The following PRMT8 variants were observed in gnomAD, a reference collection of about 807,000 sequenced individuals.
The protein encoded by PRMT8 is protein arginine methyltransferase 8.
A neutral mutation model predicts 47.1 loss-of-function variants in PRMT8; 7 were observed. The observed-to-expected ratio is 0.15, with a 90% CI of 0.08 to 0.28. PRMT8 has a LOEUF of 0.28. Among genes scored for constraint, PRMT8 ranks in the 10% least tolerant of loss-of-function variants. The probability of loss-of-function intolerance (pLI) is 1.00; values close to 1 mark genes in which losing one functional copy is unlikely to be tolerated. For missense variants in PRMT8, 237 were observed against 505.4 expected, an observed-to-expected ratio of 0.47 and a Z score of 5.09; for synonymous variants, 188 against 186.5, an observed-to-expected ratio of 1.01 and a Z score of -0.07.
chr12:3,473,574 G>A (rs1432767694), intron 1 of PRMT8, among the ~76,000 whole-genome samples: 3 of 152,022 alleles, frequency 2.0e-5, no homozygotes, highest in East Asian at 3.9e-4. Flanking sequence ...AACGACCCCT[G>A]TGTTGCTGAC....
At chr12:3,544,731 C>T (rs1354805299) in intron 2 of PRMT8, among the ~76,000 whole-genome samples, 1 of 152,136 alleles carries the variant, frequency 6.6e-6, no homozygotes, top group Non-Finnish European at 1.5e-5. Context: ...GGACTTTTGT[C>T]CCCAGCAAGA....
chr12:3,398,909 G>T (rs1462300648), intron 1 of PRMT8, among the ~76,000 whole-genome samples: 1 of 152,198 alleles, frequency 6.6e-6, no homozygotes, highest in Non-Finnish European at 1.5e-5. Flanking sequence ...GGCTGCTCAT[G>T]GTGTGGGGGA....
Position 3,456,702 on chromosome 12 carries a change from G to GT in PRMT8, c.48+75260_48+75261insT, listed in dbSNP as rs1864976756. On this transcript the variant is annotated intron_variant, in intron 1 of 9. Transcript: ENST00000452611. The surrounding 1 kb of genome is among the most constrained non-coding windows in gnomAD (Gnocchi z 4.2). ...GGGGTGAGCTAGTTTGGCCTGGAGG[G>GT]GAGGGCAGTGAGGAACCCGTGAGAA... 6.6e-6 allele frequency among the ~76,000 whole-genome samples: 1 copy of GT among 152,182 alleles called. No individual in the cohort carries two copies. Among genetic ancestry groups the GT allele is most frequent in the Non-Finnish European group, 1.5e-5 (1 of 68,028 alleles).
At chr12:3,393,736 T>C (rs1192022385) in intron 1 of PRMT8, among the ~76,000 whole-genome samples, 1 of 126,840 alleles carries the variant, frequency 7.9e-6, no homozygotes, top group Admixed American at 8.3e-5. Context: ...AGTAGTTTTT[T>C]CCAATTCTGT....
chr12:3,592,999 C>G (rs1867343817), intron 9 of PRMT8, 100 bp from the exon 10 acceptor site: 1 of 893,488 alleles, frequency 1.1e-6, no homozygotes, highest in Admixed American at 2.0e-5. Flanking sequence ...GCTGGTGCTA[C>G]CCATCCCTGT....
chr12:3,385,331 C>T (rs1007668050), intron 1 of PRMT8, among the ~76,000 whole-genome samples: 3 of 152,144 alleles, frequency 2.0e-5, no homozygotes, highest in Admixed American at 2.0e-4. Flanking sequence ...TACCACTTCC[C>T]CAGGAAAGTA....
chr12:3,423,206 A>T (rs568465445), intron 1 of PRMT8, among the ~76,000 whole-genome samples: 47 of 152,294 alleles, frequency 3.1e-4, no homozygotes, highest in African/African-American at 1.0e-3. Flanking sequence ...TGGATCATCT[A>T]TGTGTAGACA....
chr12:3,431,931 G>A (rs1864683760), intron 1 of PRMT8, among the ~76,000 whole-genome samples: 1 of 152,218 alleles, frequency 6.6e-6, no homozygotes, highest in Non-Finnish European at 1.5e-5. Flanking sequence ...GGTAGAGAAT[G>A]CTTTCGGCAG....
At chr12:3,510,812 G>A (rs1865700537) in intron 1 of PRMT8, among the ~76,000 whole-genome samples, 1 of 152,192 alleles carries the variant, frequency 6.6e-6, no homozygotes, top group Non-Finnish European at 1.5e-5. Context: ...CACCTCGGGA[G>A]TGCACTCCAC....
chr12:3,578,372 G>A (rs1866988344), intron 7 of PRMT8, among the ~76,000 whole-genome samples: 1 of 151,966 alleles, frequency 6.6e-6, no homozygotes, highest in Non-Finnish European at 1.5e-5. Flanking sequence ...CTACGGCTAC[G>A]TGCCACCAGG....
chr12:3,532,537 G>A (rs1052331046), intron 1 of PRMT8, among the ~76,000 whole-genome samples: 4 of 143,582 alleles, frequency 2.8e-5, no homozygotes, highest in Middle Eastern at 3.8e-3. Context: ...GCATGAACCC[G>A]GGAGGCAGAG....
chr12:3,513,712 T>C (rs2137132453), intron 1 of PRMT8, among the ~76,000 whole-genome samples: 1 of 152,330 alleles, frequency 6.6e-6, no homozygotes, highest in Non-Finnish European at 1.5e-5. Context: ...GGTTCTTTCA[T>C]GTCACTTTTC....
intron 1 of PRMT8, among the ~76,000 whole-genome samples, chr12:3,455,925 C>A (rs948747808): frequency 4.6e-5 from 7 of 152,174 alleles, no homozygotes; most frequent in Admixed American, 4.6e-4. Flanking sequence ...GAAAACAGCA[C>A]GTTCCTTTGA....
Position 3,576,812 on chromosome 12 carries a change from G to A in PRMT8, c.713-59G>A, listed in dbSNP as rs1866953927. The A allele has an allele frequency of 2.2e-6, 3 of 1,366,900 alleles. No homozygotes were observed. Among genetic ancestry groups the A allele is most frequent in the Non-Finnish European group, 3.1e-6 (3 of 960,576 alleles). The allele number at this position is 1,366,900 out of a possible 1,614,324, so 84.7% of individuals were successfully genotyped here. On this transcript the variant is annotated intron_variant, in intron 6 of 9. Coordinates refer to ENST00000382622, the MANE Select transcript of PRMT8 (RefSeq NM_019854.5). This position sits in a 1 kb window ranked among gnomAD's most constrained non-coding sequence, Gnocchi z 4.0. ...CACGCTGTGCTCTAGGACTCAGGAG[G>A]GTTGGGTGAGCTTCTGGGGGTCCTG...
chr12:3,414,717 G>A (rs1303488647), intron 1 of PRMT8, among the ~76,000 whole-genome samples: 2 of 152,130 alleles, frequency 1.3e-5, no homozygotes, highest in African/African-American at 2.4e-5. Flanking sequence ...GGCTCTTGGT[G>A]GGATGGGGAG....
intron 1 of PRMT8, among the ~76,000 whole-genome samples, chr12:3,460,320 G>A (rs999005917): frequency 2.0e-5 from 3 of 152,186 alleles, no homozygotes; most frequent in African/African-American, 7.2e-5. Flanking sequence ...AGAGTCAAGA[G>A]TAACTTTGTG....
chr12:3,533,296 G>C (rs1352819905), intron 1 of PRMT8, among the ~76,000 whole-genome samples: 2 of 152,150 alleles, frequency 1.3e-5, no homozygotes, highest in Non-Finnish European at 2.9e-5. Flanking sequence ...GGGGAGCCCG[G>C]GAGGCCACAT....
intron 1 of PRMT8, among the ~76,000 whole-genome samples, chr12:3,448,813 G>A (rs141140432): frequency 2.1e-4 from 32 of 152,116 alleles, no homozygotes; most frequent in Admixed American, 8.5e-4. Context: ...TGCCATGGTG[G>A]TTTGCTGCAT....
chr12:3,470,624 C>T (rs185665643), intron 1 of PRMT8, among the ~76,000 whole-genome samples: 1 of 150,252 alleles, frequency 6.7e-6, no homozygotes, highest in East Asian at 2.0e-4. Flanking sequence ...CTTCCTGGAA[C>T]AGGGTCTCCA....
Sources: gnomAD v4.1 joint callset for allele counts (sites outside exome capture counted in the v4.1 genomes callset) on GRCh38, gnomAD v4.1.1 for gene constraint, Gnocchi (gnomAD v3.1) non-coding constraint, MANE v1.5 for transcripts, NCBI Gene and HGNC (gene_info 2026-07-23, HGNC 2026-07-21) for gene names.